The following RIMS4 variants were observed in gnomAD, a reference collection of about 807,000 sequenced individuals.
RIMS4 encodes regulating synaptic membrane exocytosis 4, also known as regulating synaptic membrane exocytosis protein 4.
RIMS4 carries 9 observed loss-of-function variants against 29.0 expected under a neutral mutation model. That is an observed-to-expected ratio of 0.31 (90% confidence interval 0.19 to 0.54). The LOEUF is 0.54. Among genes scored for constraint, RIMS4 ranks in the 20% least tolerant of loss-of-function variants. The probability of loss-of-function intolerance (pLI) is 0.94; values close to 1 mark genes in which losing one functional copy is unlikely to be tolerated. For missense variants in RIMS4, 193 were observed against 365.7 expected (o/e 0.53, Z 3.85); for synonymous variants, 130 against 152.9 (o/e 0.85, Z 1.10).
At chr20:44,759,259 T>C (rs1482312913) in intron 2 of RIMS4, among the ~76,000 whole-genome samples, 1 of 151,484 alleles carries the variant, frequency 6.6e-6, no homozygotes, top group African/African-American at 2.4e-5. Context: ...TGGTTTTTGT[T>C]TTTTTTTTGA....
chr20:44,771,355 C>T lies in RIMS4; in HGVS notation c.156G>A (p.Val52=). 1.2e-6 allele frequency: 2 copies of T among 1,613,988 alleles called. No individual in the cohort carries two copies. Among genetic ancestry groups the T allele is most frequent in the East Asian group, 2.2e-5 (1 of 44,882 alleles). Reference sequence around the variant, plus strand: ...GGCGCAGTGTCCGGCTGGGCATCTCCACTGCCAGGCCCGTCTCCGTGCTCC... The same window carrying T: ...GGCGCAGTGTCCGGCTGGGCATCTCTACTGCCAGGCCCGTCTCCGTGCTCC... ...IQRSTETGLA[V]EMPSRTLRQA... The change falls in exon 2 of 6, where the codon GTG becomes GTA. Residue 52 remains valine (V), a synonymous_variant. Transcript: ENST00000372851.
At chr20:44,784,492 C>T (rs1279706662) in intron 1 of RIMS4, among the ~76,000 whole-genome samples, 1 of 152,216 alleles carries the variant, frequency 6.6e-6, no homozygotes, top group Non-Finnish European at 1.5e-5. Flanking sequence ...AGCACTGAGG[C>T]TGTAGTGATG....
intron 1 of RIMS4, among the ~76,000 whole-genome samples, chr20:44,799,347 C>T (rs2066268152): frequency 6.6e-6 from 1 of 152,080 alleles, no homozygotes; most frequent in Non-Finnish European, 1.5e-5. Flanking sequence ...ACACCTGACT[C>T]CCCTCAGGGC....
intron 1 of RIMS4, among the ~76,000 whole-genome samples, chr20:44,801,903 C>G (rs141972020): frequency 2.7e-4 from 41 of 152,246 alleles, no homozygotes; most frequent in Middle Eastern, 6.8e-3. Flanking sequence ...TTGGCAAGAC[C>G]CCTTCAGTTC....
chr20:44,799,957 C>T (rs918926683), intron 1 of RIMS4, among the ~76,000 whole-genome samples: 4 of 152,178 alleles, frequency 2.6e-5, no homozygotes, highest in Non-Finnish European at 5.9e-5. Context: ...TCATCTAATC[C>T]TCTTGACACC....
Position 44,753,050 on chromosome 20 carries a change from G to A in RIMS4, c.*3084C>T, listed in dbSNP as rs1231882467. 2 of 152,800 alleles carry A rather than the reference G, an allele frequency of 1.3e-5. No individual in the cohort carries two copies. The highest frequency in any genetic ancestry group is 2.9e-5 in the Non-Finnish European group (2 of 68,150). 9.5% of individuals were successfully genotyped at this position (152,800 alleles called of 1,614,324 possible). On this transcript the variant is annotated 3_prime_UTR_variant, in exon 6 of 6. Transcript: ENST00000372851. Reference sequence around the variant, plus strand: ...TCCTTGTCCCAGCAGACATGCACTGGAGCAACGGTCTCCTGTCGCCTGAAG... The same window carrying A: ...TCCTTGTCCCAGCAGACATGCACTGAAGCAACGGTCTCCTGTCGCCTGAAG...
chr20:44,779,164 T>A (rs1051077507), intron 1 of RIMS4, among the ~76,000 whole-genome samples: 40 of 152,252 alleles, frequency 2.6e-4, no homozygotes, highest in African/African-American at 8.2e-4. Context: ...GCCCCTCAAA[T>A]TTCTTACCCA....
At chr20:44,759,386 T>C (rs971177529) in intron 2 of RIMS4, among the ~76,000 whole-genome samples, 1 of 152,120 alleles carries the variant, frequency 6.6e-6, no homozygotes, top group Admixed American at 6.5e-5. Flanking sequence ...GCCTCCCAAG[T>C]AGCTGGGAAT....
intron 2 of RIMS4, among the ~76,000 whole-genome samples, chr20:44,758,544 G>T (rs558270134): frequency 6.6e-6 from 1 of 152,106 alleles, no homozygotes; most frequent in Admixed American, 6.6e-5. Flanking sequence ...CATTTCTTGC[G>T]GCTGCTTGGC....
At chr20:44,788,961 G>A (rs925534640) in intron 1 of RIMS4, among the ~76,000 whole-genome samples, 8 of 152,052 alleles carry the variant, frequency 5.3e-5, no homozygotes, top group African/African-American at 9.7e-5. Context: ...TTACAGAACA[G>A]TAATAATAAT....
At chr20:44,803,330 C>T (rs186994717) in intron 1 of RIMS4, among the ~76,000 whole-genome samples, 607 of 152,302 alleles carry the variant, frequency 4.0e-3, no homozygotes, top group Non-Finnish European at 6.0e-3. Flanking sequence ...CAAGCCACTT[C>T]GCCTCTTTGA....
intron 1 of RIMS4, among the ~76,000 whole-genome samples, chr20:44,790,330 G>A (rs908817730): frequency 1.3e-5 from 2 of 152,174 alleles, no homozygotes; most frequent in African/African-American, 4.8e-5. Flanking sequence ...CAATAATAAT[G>A]AAGGCATGCT....
intron 1 of RIMS4, among the ~76,000 whole-genome samples, chr20:44,776,690 G>C (rs1334308276): frequency 6.6e-6 from 1 of 152,146 alleles, no homozygotes; most frequent in Non-Finnish European, 1.5e-5. Flanking sequence ...ATAACCCTCA[G>C]GATGGCCTAG....
chr20:44,757,878 G>A, intron 3 of RIMS4, 107 bp from the exon 4 acceptor site: 2 of 1,105,494 alleles, frequency 1.8e-6, no homozygotes, highest in East Asian at 2.4e-5. Context: ...CCTGCTCCCA[G>A]CCCAGAATAA....
At chr20:44,796,357 G>A (rs1040952473) in intron 1 of RIMS4, among the ~76,000 whole-genome samples, 1 of 152,184 alleles carries the variant, frequency 6.6e-6, no homozygotes, top group Non-Finnish European at 1.5e-5. Flanking sequence ...ACTTGCCTTA[G>A]GTCACCAGAA....
At chr20:44,770,232 A>G (rs749258361) in intron 2 of RIMS4, among the ~76,000 whole-genome samples, 6 of 152,168 alleles carry the variant, frequency 3.9e-5, no homozygotes, top group Non-Finnish European at 7.3e-5. Context: ...CTGGGAGTCA[A>G]GACTCCTGGG....
chr20:44,758,328 TGTGGTTTA>T (rs2066069594), intron 2 of RIMS4, 144 bp from the exon 3 acceptor site: 1 of 612,078 alleles, frequency 1.6e-6, no homozygotes, highest in African/African-American at 1.8e-5. Context: ...ATCTGGCTCA[TGTGGTTTA>T]GTGCCTTGAT....
chr20:44,809,570 A>T (rs1273587371), intron 1 of RIMS4, among the ~76,000 whole-genome samples: 1 of 152,146 alleles, frequency 6.6e-6, no homozygotes, highest in Middle Eastern at 3.4e-3. Flanking sequence ...AAGAGAGGGG[A>T]GGAAAGGCCG....
rs1013323722 is a variant in RIMS4, at chr20:44,756,855, G to C, written c.591+43C>G. On this transcript the variant is annotated intron_variant, in intron 5 of 5. Coordinates refer to ENST00000372851, the MANE Select transcript of RIMS4 (RefSeq NM_182970.4). The surrounding 1 kb of genome is among the most constrained non-coding windows in gnomAD (Gnocchi z 5.9). ...TCTCATTCTGGTACTGTGCATGTGTGCTCGTGCACACACACACACGTGAGC... is the reference window on the plus strand; with the variant it reads ...TCTCATTCTGGTACTGTGCATGTGTCCTCGTGCACACACACACACGTGAGC... The C allele has an allele frequency of 1.9e-6, 3 of 1,602,174 alleles. No individual in the cohort carries two copies. The highest frequency in any genetic ancestry group is 1.7e-5 in the Admixed American group (1 of 59,532).
Sources: allele counts gnomAD v4.1 joint callset (sites outside exome capture counted in the v4.1 genomes callset), GRCh38; gene constraint gnomAD v4.1.1; non-coding constraint Gnocchi (gnomAD v3.1); transcripts MANE v1.5; gene names NCBI Gene and HGNC (gene_info 2026-07-23, HGNC 2026-07-21).